ZFAND3: variants seen among roughly 807,000 people sequenced by gnomAD.
ZFAND3 encodes the protein AN1-type zinc finger protein 3.
In ZFAND3, 10 loss-of-function variants were observed where a neutral mutation model predicts 29.6. The ratio of observed to expected loss-of-function variants is 0.34; its 90% CI spans 0.21 to 0.57. The LOEUF (loss-of-function observed/expected upper bound fraction) is 0.57. ZFAND3 is among the 20% of genes least tolerant of loss of function. The probability of loss-of-function intolerance (pLI) is 0.86; values close to 1 mark genes in which losing one functional copy is unlikely to be tolerated. For synonymous variants in ZFAND3, 128 were observed against 112.6 expected (o/e 1.14, Z -0.87); for missense variants, 230 against 304.5 (o/e 0.76, Z 1.82).
chr6:38,001,509 G>T (rs1762947688), intron 2 of ZFAND3, among the ~76,000 whole-genome samples: 1 of 152,210 alleles, frequency 6.6e-6, no homozygotes, highest in African/African-American at 2.4e-5. Flanking sequence ...ACAGAGCAGA[G>T]CAACATAAAC....
At chr6:37,832,586 T>G (rs1490498094) in intron 1 of ZFAND3, among the ~76,000 whole-genome samples, 1 of 152,206 alleles carries the variant, frequency 6.6e-6, no homozygotes, top group East Asian at 1.9e-4. Context: ...TGATTAGTTT[T>G]AGACAGGTTA....
intron 1 of ZFAND3, among the ~76,000 whole-genome samples, chr6:37,856,355 G>A (rs13205214): frequency 0.2 from 30,006 of 152,092 alleles, 3,776 homozygotes; most frequent in African/African-American, 0.35. Context: ...TCATGTAGAA[G>A]CATTCTTCCT....
intron 1 of ZFAND3, among the ~76,000 whole-genome samples, chr6:37,836,915 GT>G (rs1561905718): frequency 6.6e-6 from 1 of 152,100 alleles, no homozygotes; most frequent in African/African-American, 2.4e-5. Flanking sequence ...CTCAGCTTTT[GT>G]TTTTCTAGGA....
rs115759807 is a variant in ZFAND3, at chr6:38,005,228, T to C, written c.113-56365T>C. 5.0e-3 allele frequency among the ~76,000 whole-genome samples: 760 copies of C among 152,310 alleles called. 8 individuals carry two copies. Among genetic ancestry groups the C allele is most frequent in the African/African-American group, 0.015 (628 of 41,566 alleles). ...GATGGTTTTATATTGGGCTCTGTTA[T>C]GGGCATATTCTATATCTCTACTCTC... On this transcript the variant is annotated intron_variant, in intron 2 of 5. Coordinates refer to ENST00000287218, the MANE Select transcript of ZFAND3 (RefSeq NM_021943.3).
intron 5 of ZFAND3, among the ~76,000 whole-genome samples, chr6:38,130,993 T>C (rs1765731092): frequency 6.6e-6 from 1 of 152,198 alleles, no homozygotes; most frequent in Admixed American, 6.5e-5. Flanking sequence ...CTGCTTGTTA[T>C]TGGTCTGTTC....
intron 2 of ZFAND3, among the ~76,000 whole-genome samples, chr6:37,999,607 A>G (rs1013509417): frequency 1.4e-4 from 21 of 152,236 alleles, no homozygotes; most frequent in African/African-American, 4.6e-4. Context: ...CAGTTTAACC[A>G]TGAGAAAAAT....
chr6:37,899,028 C>T (rs1337148078), intron 1 of ZFAND3, among the ~76,000 whole-genome samples: 5 of 152,064 alleles, frequency 3.3e-5, no homozygotes, highest in African/African-American at 4.8e-5. Context: ...CGCAAGTAGC[C>T]GGTACTACAG....
At chr6:38,063,984 C>T (rs193047455) in intron 3 of ZFAND3, among the ~76,000 whole-genome samples, 4 of 151,860 alleles carry the variant, frequency 2.6e-5, no homozygotes, top group Admixed American at 2.6e-4. Flanking sequence ...TGGTAGTGGT[C>T]ATGCTAAGGC....
At chr6:37,997,822 G>A (rs1182768349) in intron 2 of ZFAND3, among the ~76,000 whole-genome samples, 2 of 152,168 alleles carry the variant, frequency 1.3e-5, no homozygotes, top group Non-Finnish European at 2.9e-5. Context: ...AGAGTGGCTA[G>A]CACATGTGCA....
chr6:37,991,661 C>T (rs1283484360), intron 2 of ZFAND3, among the ~76,000 whole-genome samples: 14 of 152,182 alleles, frequency 9.2e-5, no homozygotes, highest in Admixed American at 5.2e-4. Flanking sequence ...ATTTCACTTG[C>T]CCCTGTGTTT....
chr6:37,975,420 TGTC>T (rs1299605884), intron 2 of ZFAND3, among the ~76,000 whole-genome samples: 1 of 152,174 alleles, frequency 6.6e-6, no homozygotes, highest in Non-Finnish European at 1.5e-5. Context: ...CTCTTTGACT[TGTC>T]TTTTTTATAA....
intron 2 of ZFAND3, among the ~76,000 whole-genome samples, chr6:37,970,730 C>A (rs1441575687): frequency 7.3e-6 from 1 of 137,840 alleles, no homozygotes; most frequent in Non-Finnish European, 1.6e-5. Flanking sequence ...GGTGAAACCC[C>A]GTCTCTACTA....
intron 5 of ZFAND3, among the ~76,000 whole-genome samples, chr6:38,133,707 G>A (rs564166800): frequency 1.3e-4 from 19 of 151,260 alleles, no homozygotes; most frequent in Middle Eastern, 3.4e-3. Flanking sequence ...CCGAGATCAC[G>A]CCACTGCACT....
intron 2 of ZFAND3, among the ~76,000 whole-genome samples, chr6:38,041,622 TATCTAC>T (rs1763762730): frequency 8.5e-6 from 1 of 118,112 alleles, no homozygotes; most frequent in African/African-American, 2.9e-5. Flanking sequence ...ACTGTTTTTT[TATCTAC>T]TTTTTCTTCT....
At position 37,819,996 on chromosome 6, in the gene ZFAND3, C is replaced by T. The variant is rs914630934; in HGVS notation, c.51C>T (p.Arg17=). The change falls in exon 1 of 6, where the codon CGC becomes CGT. Residue 17 remains arginine, a synonymous_variant. Transcript: ENST00000287218. ...ERSKAPSLPP[R]CPCGFWGSSK... ...GCAAAGCGCCCAGCCTGCCGCCTCG[C>T]TGTCCCTGCGGCTTCTGGGGGTAAG... is the stretch of plus-strand genomic sequence containing the variant. 4.1e-6 allele frequency: 5 copies of T among 1,220,342 alleles called. No homozygotes were observed. The African/African-American group carries it at 7.8e-5, about 19-fold the overall frequency. 75.6% of individuals were successfully genotyped at this position (1,220,342 alleles called of 1,614,324 possible). A position where few individuals can be genotyped will look rare whatever the true frequency, so the allele number is the denominator to read the frequency against.
chr6:38,037,765 C>T (rs980420992), intron 2 of ZFAND3, among the ~76,000 whole-genome samples: 5 of 152,128 alleles, frequency 3.3e-5, no homozygotes, highest in South Asian at 2.1e-4. Flanking sequence ...TAATGAAAGG[C>T]GGGCGTGTAG....
intron 2 of ZFAND3, among the ~76,000 whole-genome samples, chr6:38,039,005 G>T (rs1290486540): frequency 6.6e-6 from 1 of 152,150 alleles, no homozygotes; most frequent in Non-Finnish European, 1.5e-5. Context: ...TATCAGATAG[G>T]TTGGAAATAA....
intron 2 of ZFAND3, among the ~76,000 whole-genome samples, chr6:38,058,288 A>G (rs1225827693): frequency 1.3e-5 from 2 of 152,210 alleles, no homozygotes; most frequent in Admixed American, 6.5e-5. Context: ...TCAGGATCAT[A>G]TAACATTTCC....
At chr6:38,098,533 C>G (rs1765028379) in intron 4 of ZFAND3, among the ~76,000 whole-genome samples, 1 of 150,776 alleles carries the variant, frequency 6.6e-6, no homozygotes, top group Admixed American at 6.6e-5. Context: ...CAGAGTCTCG[C>G]TCTGTTGCCC....
Sources: allele counts gnomAD v4.1 joint callset (sites outside exome capture counted in the v4.1 genomes callset), GRCh38; gene constraint gnomAD v4.1.1; transcripts MANE v1.5; gene names NCBI Gene and HGNC (gene_info 2026-07-23, HGNC 2026-07-21).